Variants in BFSP2 observed in about 807,000 individuals in gnomAD.
BFSP2 encodes the protein phakinin.
A neutral mutation model predicts 44.9 loss-of-function variants in BFSP2; 38 were observed. The observed-to-expected ratio is 0.85, with a 90% CI of 0.65 to 1.11. The LOEUF is 1.11. Among genes scored for constraint, BFSP2 ranks in the 50% least tolerant of loss-of-function variants. The pLI is 0.00. For synonymous variants in BFSP2, 197 were observed against 209.9 expected, an observed-to-expected ratio of 0.94 and a Z score of 0.53; for missense variants, 525 against 533.0, an observed-to-expected ratio of 0.99 and a Z score of 0.15.
At chr3:133,439,559 A>G (rs2073824062) in intron 1 of BFSP2, among the ~76,000 whole-genome samples, 1 of 152,236 alleles carries the variant, frequency 6.6e-6, no homozygotes, top group Non-Finnish European at 1.5e-5. Context: ...GATACCTAGC[A>G]CAGCCTGAGC....
intron 1 of BFSP2, among the ~76,000 whole-genome samples, chr3:133,427,543 T>C (rs1461084509): frequency 6.6e-6 from 1 of 152,222 alleles, no homozygotes; most frequent in Non-Finnish European, 1.5e-5. Flanking sequence ...CCCTTCCTAA[T>C]CCTCTACTTA....
intron 1 of BFSP2, among the ~76,000 whole-genome samples, chr3:133,433,329 A>C (rs1201144451): frequency 6.6e-6 from 1 of 152,168 alleles, no homozygotes; most frequent in East Asian, 1.9e-4. Context: ...GCTATAGTAC[A>C]AGCCACTAGC....
At chr3:133,406,211 G>A (rs2073403424) in intron 1 of BFSP2, among the ~76,000 whole-genome samples, 1 of 151,626 alleles carries the variant, frequency 6.6e-6, no homozygotes, top group Non-Finnish European at 1.5e-5. Context: ...CACCAGCCTT[G>A]GCCTGCCAAA....
At position 133,437,904 on chromosome 3, in the gene BFSP2, C is replaced by T. The variant is rs139390732; in HGVS notation, c.490-9413C>T. Reference sequence around the variant, plus strand: ...TTCTGACAGCCAGGGGCACCTACATCGTAATTCTTAGCAGAAAGGACCTAT... The same window carrying T: ...TTCTGACAGCCAGGGGCACCTACATTGTAATTCTTAGCAGAAAGGACCTAT... On this transcript the variant is annotated intron_variant, in intron 1 of 6. Coordinates refer to ENST00000302334, the MANE Select transcript of BFSP2 (RefSeq NM_003571.4). 4.0e-3 allele frequency among the ~76,000 whole-genome samples: 604 copies of T among 152,312 alleles called. 3 individuals are homozygous for T. The highest frequency in any genetic ancestry group is 0.014 in the African/African-American group (579 of 41,564).
intron 4 of BFSP2, among the ~76,000 whole-genome samples, chr3:133,457,080 G>A (rs1481848409): frequency 6.6e-6 from 1 of 152,198 alleles, no homozygotes; most frequent in Non-Finnish European, 1.5e-5. Flanking sequence ...ACTACAAGAT[G>A]ACCTCTTGTG....
At chr3:133,438,508 C>G (rs1229080245) in intron 1 of BFSP2, among the ~76,000 whole-genome samples, 1 of 152,140 alleles carries the variant, frequency 6.6e-6, no homozygotes, top group Non-Finnish European at 1.5e-5. Context: ...GCACTCCAGC[C>G]TGGGTGGCAG....
At chr3:133,427,023 T>A (rs1382579457) in intron 1 of BFSP2, among the ~76,000 whole-genome samples, 1 of 152,214 alleles carries the variant, frequency 6.6e-6, no homozygotes, top group African/African-American at 2.4e-5. Flanking sequence ...ATGCTGAGTA[T>A]GATGCTGGTG....
At chr3:133,431,552 C>T (rs529092760) in intron 1 of BFSP2, among the ~76,000 whole-genome samples, 3 of 152,268 alleles carry the variant, frequency 2.0e-5, no homozygotes, top group Middle Eastern at 3.4e-3. Context: ...AACTCTGGCC[C>T]GAGGCTCTCT....
intron 1 of BFSP2, among the ~76,000 whole-genome samples, chr3:133,420,581 G>T (rs577998846): frequency 1.3e-5 from 2 of 152,282 alleles, no homozygotes; most frequent in South Asian, 4.1e-4. Context: ...GAATACTCTG[G>T]TCTAGCTGTC....
At chr3:133,425,951 G>C (rs184014247) in intron 1 of BFSP2, among the ~76,000 whole-genome samples, 3 of 1,678 alleles carry the variant, frequency 1.8e-3, no homozygotes, top group Admixed American at 4.0e-3. Context: ...GAAGGGAGGG[G>C]AGGGGGAGGG....
At chr3:133,470,586 G>A (rs925975887) in intron 5 of BFSP2, among the ~76,000 whole-genome samples, 2 of 152,196 alleles carry the variant, frequency 1.3e-5, no homozygotes, top group African/African-American at 4.8e-5. Flanking sequence ...CATGGTGCAT[G>A]GGAAGATGAG....
chr3:133,466,558 CT>C (rs2074111193), intron 4 of BFSP2, among the ~76,000 whole-genome samples: 2 of 151,092 alleles, frequency 1.3e-5, no homozygotes, highest in Non-Finnish European at 1.5e-5. Flanking sequence ...TGGCGGGTAC[CT>C]GTAATCCCAG....
chr3:133,403,471 A>G (rs2073378974), intron 1 of BFSP2, among the ~76,000 whole-genome samples: 1 of 152,086 alleles, frequency 6.6e-6, no homozygotes, highest in Non-Finnish European at 1.5e-5. Flanking sequence ...GCTCTCAGCA[A>G]CTGAGCCCCA....
chr3:133,409,764 T>G (rs1336578184), intron 1 of BFSP2, among the ~76,000 whole-genome samples: 2 of 152,108 alleles, frequency 1.3e-5, no homozygotes, highest in Non-Finnish European at 2.9e-5. Context: ...TCCAGTAAGG[T>G]GAACAAGAAG....
intron 1 of BFSP2, among the ~76,000 whole-genome samples, chr3:133,434,204 G>A (rs369662649): frequency 6.6e-6 from 1 of 152,142 alleles, no homozygotes; most frequent in Admixed American, 6.5e-5. Flanking sequence ...CCTAGGTCCT[G>A]CCAATTCTTA....
chr3:133,414,108 T>C (rs1239998310), intron 1 of BFSP2, among the ~76,000 whole-genome samples: 1 of 23,152 alleles, frequency 4.3e-5, no homozygotes, highest in South Asian at 1.6e-3. Context: ...CCCCCCATCC[T>C]CTCCCCTCTA....
chr3:133,464,918 G>A (rs1049392334), intron 4 of BFSP2, among the ~76,000 whole-genome samples: 2 of 151,984 alleles, frequency 1.3e-5, no homozygotes, highest in African/African-American at 4.8e-5. Context: ...GCCTTTAATG[G>A]TCATTCTTTG....
chr3:133,411,176 C>G (rs2073449002), intron 1 of BFSP2, among the ~76,000 whole-genome samples: 1 of 58,188 alleles, frequency 1.7e-5, no homozygotes, highest in Non-Finnish European at 3.0e-5. Flanking sequence ...GTCAGTATAA[C>G]ACCGAAAAAA....
At chr3:133,458,436 G>A (rs1322875294) in intron 4 of BFSP2, among the ~76,000 whole-genome samples, 7 of 152,198 alleles carry the variant, frequency 4.6e-5, no homozygotes, top group Non-Finnish European at 2.9e-5. Context: ...GCTCACTCCT[G>A]TAATCCCAGC....
Sources: allele counts gnomAD v4.1 joint callset (sites outside exome capture counted in the v4.1 genomes callset), GRCh38; gene constraint gnomAD v4.1.1; transcripts MANE v1.5; gene names NCBI Gene and HGNC (gene_info 2026-07-23, HGNC 2026-07-21).